The following UCHL5 variants were observed in gnomAD, a reference collection of about 807,000 sequenced individuals.
The protein encoded by UCHL5 is ubiquitin carboxyl-terminal hydrolase isozyme L5.
UCHL5 carries 34 observed loss-of-function variants against 53.8 expected under a neutral mutation model. That is an observed-to-expected ratio of 0.63 (90% CI 0.48 to 0.84). The LOEUF is 0.84. Among genes scored for constraint, UCHL5 ranks in the 40% least tolerant of loss-of-function variants. The pLI, the probability that UCHL5 is intolerant of heterozygous loss-of-function variation, is 0.00. For missense variants in UCHL5, 290 were observed against 385.6 expected, an observed-to-expected ratio of 0.75 and a Z score of 2.08; for synonymous variants, 111 against 126.3, an observed-to-expected ratio of 0.88 and a Z score of 0.81.
intron 7 of UCHL5, among the ~76,000 whole-genome samples, 163 bp from the exon 8 acceptor site, chr1:193,024,109 C>G (rs942351629): frequency 4.6e-5 from 7 of 151,974 alleles, no homozygotes; most frequent in African/African-American, 1.7e-4. Flanking sequence ...TCAGGTCAGG[C>G]ACATAGGTGC....
intron 3 of UCHL5, among the ~76,000 whole-genome samples, chr1:193,043,849 G>A (rs1292583411): frequency 6.6e-6 from 1 of 152,134 alleles, no homozygotes; most frequent in African/African-American, 2.4e-5. Flanking sequence ...TGACACTACT[G>A]GGAGAAGACA....
At chr1:193,037,075 T>A (rs1663790025) in intron 3 of UCHL5, among the ~76,000 whole-genome samples, 2 of 151,522 alleles carry the variant, frequency 1.3e-5, no homozygotes, top group Non-Finnish European at 2.9e-5. Context: ...CCTAATTATA[T>A]ACCCCAAGGA....
chr1:193,058,748 C>T (rs1431932883), intron 1 of UCHL5, among the ~76,000 whole-genome samples: 1 of 152,244 alleles, frequency 6.6e-6, no homozygotes, highest in Non-Finnish European at 1.5e-5. Context: ...CCGCAGACAC[C>T]TCACCCTTGA....
intron 7 of UCHL5, among the ~76,000 whole-genome samples, chr1:193,024,842 A>G (rs1450252474): frequency 6.6e-6 from 1 of 152,100 alleles, no homozygotes; most frequent in Admixed American, 6.6e-5. Flanking sequence ...TTCACTGAAA[A>G]CAAATGGCCC....
chr1:193,046,070 T>C (rs551205429), intron 3 of UCHL5, among the ~76,000 whole-genome samples: 10 of 151,632 alleles, frequency 6.6e-5, no homozygotes, highest in Admixed American at 4.6e-4. Context: ...CTTGCTCTGC[T>C]GACCAGGCTG....
At chr1:193,046,884 A>G (rs1667507178) in intron 3 of UCHL5, among the ~76,000 whole-genome samples, 1 of 151,818 alleles carries the variant, frequency 6.6e-6, no homozygotes, top group Non-Finnish European at 1.5e-5. Context: ...TTTAGCAAAC[A>G]AAATTATAAG....
rs1209194758 is a variant in UCHL5, at chr1:193,014,287, C to T, written c.*2064G>A. The T allele has an allele frequency of 6.6e-6, 1 of 151,798 alleles. No individual in the cohort carries two copies. 9.4% of individuals were successfully genotyped at this position (151,798 alleles called of 1,614,324 possible). The stretch of plus-strand genomic sequence containing the variant: ...AAGTATCACAAGGGATTTGCAATCA[C>T]CAAAGAAGATGCAGATAAAATAAAC... On this transcript the variant is annotated 3_prime_UTR_variant, in exon 11 of 11. Transcript: ENST00000367454.
intron 7 of UCHL5, among the ~76,000 whole-genome samples, chr1:193,025,052 A>C (rs1658649506): frequency 6.6e-6 from 1 of 152,210 alleles, no homozygotes; most frequent in African/African-American, 2.4e-5. Context: ...AGAATGATAC[A>C]ATAGTGAATT....
chr1:193,047,680 A>G (rs1334289895), intron 3 of UCHL5, among the ~76,000 whole-genome samples: 1 of 152,208 alleles, frequency 6.6e-6, no homozygotes, highest in Non-Finnish European at 1.5e-5. Flanking sequence ...AAATGCAATC[A>G]AAGTATTATC....
intron 10 of UCHL5, chr1:193,020,485 T>G (rs1487078669): frequency 9.2e-6 from 14 of 1,519,996 alleles, no homozygotes; most frequent in Non-Finnish European, 1.2e-5. Flanking sequence ...ACATGTATTT[T>G]AAAGAGTATC....
intron 1 of UCHL5, among the ~76,000 whole-genome samples, chr1:193,055,724 T>C (rs1670428321): frequency 6.6e-6 from 1 of 152,262 alleles, no homozygotes; most frequent in Non-Finnish European, 1.5e-5. Flanking sequence ...CCTAAATTAC[T>C]GGGGTAAATC....
At position 193,059,043 on chromosome 1, in the gene UCHL5, C is replaced by T. The variant is rs954952850; in HGVS notation, c.76+142G>A. The T allele has an allele frequency of 1.2e-6, 1 of 805,458 alleles. No homozygotes were observed. Among genetic ancestry groups the T allele is most frequent in the Non-Finnish European group, 1.9e-6 (1 of 521,012 alleles). 49.9% of individuals were successfully genotyped at this position (805,458 alleles called of 1,614,324 possible). A position where few individuals can be genotyped will look rare whatever the true frequency, so the allele number is the denominator to read the frequency against. On this transcript the variant is annotated intron_variant, in intron 1 of 10. Coordinates refer to ENST00000367454, the MANE Select transcript of UCHL5 (RefSeq NM_001199261.3). The surrounding 1 kb of genome is among the most constrained non-coding windows in gnomAD (Gnocchi z 4.9). ...TCGAGCTGAGGAGAGGGCAGAACAT[C>T]TACATTTCCCCCACCCGGACTCCAG...
chr1:193,032,761 C>G (rs545185681), intron 3 of UCHL5, among the ~76,000 whole-genome samples: 60 of 152,260 alleles, frequency 3.9e-4, no homozygotes, highest in African/African-American at 1.4e-3. Context: ...ATGTGGCCAA[C>G]AAACATATGA....
At chr1:193,038,179 G>A (rs182438782) in intron 3 of UCHL5, among the ~76,000 whole-genome samples, 28 of 152,200 alleles carry the variant, frequency 1.8e-4, no homozygotes, top group East Asian at 1.4e-3. Context: ...GTCTTAGGCC[G>A]GGCACCGTGG....
At chr1:193,060,011 G>T (rs1283011063), upstream of UCHL5, 1 of 1,359,818 alleles carries the variant, frequency 7.4e-7, no homozygotes, top group East Asian at 4.6e-5. Flanking sequence ...CTCAGGGTGG[G>T]CCCTTTCCGA....
chr1:193,030,599 A>C (rs886783647), intron 3 of UCHL5, among the ~76,000 whole-genome samples: 1 of 152,226 alleles, frequency 6.6e-6, no homozygotes. Flanking sequence ...AACACCAGCA[A>C]GGTTAATCAC....
rs149828436 is a variant in UCHL5, at chr1:193,040,467, G to A, written c.246+9279C>T. On this transcript the variant is annotated intron_variant, in intron 3 of 10. Transcript: ENST00000367454. ...GTTATCATCTCACCCAAGTTAAAAT[G>A]GCTTTTAACAAAAAGGGAATGACAG... is the stretch of plus-strand genomic sequence containing the variant. 2.6e-5 allele frequency among the ~76,000 whole-genome samples: 4 copies of A among 152,260 alleles called. No individual in the cohort carries two copies. In the East Asian group the frequency reaches 7.7e-4, roughly 29 times the overall value.
At chr1:193,055,786 G>A (rs1670443888) in intron 1 of UCHL5, among the ~76,000 whole-genome samples, 2 of 152,088 alleles carry the variant, frequency 1.3e-5, no homozygotes, top group South Asian at 4.1e-4. Context: ...ATTCAATTTG[G>A]TAAAATGGTT....
chr1:193,018,695 C>T (rs907003462), intron 10 of UCHL5: 1 of 1,342,376 alleles, frequency 7.4e-7, no homozygotes, highest in Middle Eastern at 1.9e-4. Flanking sequence ...AGGCAACTGC[C>T]TCAGCTATTC....
Sources: gnomAD v4.1 joint callset for allele counts (sites outside exome capture counted in the v4.1 genomes callset) on GRCh38, gnomAD v4.1.1 for gene constraint, Gnocchi (gnomAD v3.1) non-coding constraint, MANE v1.5 for transcripts, NCBI Gene and HGNC (gene_info 2026-07-23, HGNC 2026-07-21) for gene names.